ERBB4: variants seen among roughly 807,000 people sequenced by gnomAD.
ERBB4 encodes receptor tyrosine-protein kinase erbB-4.
A neutral mutation model predicts 158.0 loss-of-function variants in ERBB4; 42 were observed. The ratio of observed to expected loss-of-function variants is 0.27; its 90% CI spans 0.21 to 0.34. The LOEUF (loss-of-function observed/expected upper bound fraction) is 0.34, where lower values mean the gene tolerates loss of function less well. Ranked by LOEUF, ERBB4 falls within the 10% of genes least tolerant of loss-of-function variation. ERBB4 has a pLI of 1.00. For synonymous variants in ERBB4, 583 were observed against 558.7 expected (o/e 1.04, Z -0.61); for missense variants, 1,333 against 1,624.1 (o/e 0.82, Z 3.08).
intron 1 of ERBB4, among the ~76,000 whole-genome samples, chr2:212,214,206 C>A (rs1325641837): frequency 6.6e-6 from 1 of 151,810 alleles, no homozygotes; most frequent in Admixed American, 6.6e-5. Context: ...TGATTCAATA[C>A]ATCTTCCTGT....
chr2:211,386,932 C>G lies in ERBB4; in HGVS notation c.3402G>C (p.Val1134=), dbSNP rs1391938343. ...STQRYSADPT[V]FAPERSPRGE... is the part of the protein sequence containing the mutation. ...CTCGTGGGCTCCGTTCTGGGGCAAA[C>G]ACGGTGGGGTCAGCACTGTACCTCT... The change falls in exon 27 of 28, where the codon GTG becomes GTC. Residue 1134 remains valine, a synonymous_variant. Coordinates refer to ENST00000342788, the MANE Select transcript of ERBB4 (RefSeq NM_005235.3). The G allele has an allele frequency of 1.2e-6, 2 of 1,614,166 alleles. No homozygotes were observed. Among genetic ancestry groups the G allele is most frequent in the Non-Finnish European group, 1.7e-6 (2 of 1,180,032 alleles).
At chr2:212,183,391 T>C (rs2081930145) in intron 1 of ERBB4, among the ~76,000 whole-genome samples, 1 of 152,020 alleles carries the variant, frequency 6.6e-6, no homozygotes, top group South Asian at 2.1e-4. Flanking sequence ...TAAATTTAAC[T>C]AGCAGGTAAC....
At chr2:211,832,016 C>T (rs558676553) in intron 3 of ERBB4, among the ~76,000 whole-genome samples, 18 of 152,226 alleles carry the variant, frequency 1.2e-4, no homozygotes, top group African/African-American at 3.4e-4. Context: ...ACAAATGTGG[C>T]GTCAAGCCAA....
At chr2:211,442,893 T>C (rs1335861345) in intron 20 of ERBB4, among the ~76,000 whole-genome samples, 1 of 152,076 alleles carries the variant, frequency 6.6e-6, no homozygotes, top group East Asian at 1.9e-4. Context: ...TTTTTTATCT[T>C]CTATTCTTCA....
At chr2:211,678,783 G>A (rs923490705) in intron 13 of ERBB4, among the ~76,000 whole-genome samples, 14 of 151,818 alleles carry the variant, frequency 9.2e-5, no homozygotes, top group African/African-American at 2.9e-4. Context: ...TGGCTAACAC[G>A]GTGAAACCCC....
chr2:211,807,378 T>C (rs764902491), intron 3 of ERBB4, among the ~76,000 whole-genome samples: 1 of 152,098 alleles, frequency 6.6e-6, no homozygotes, highest in Non-Finnish European at 1.5e-5. Context: ...CCACCTATGA[T>C]TGAGAACACG....
At chr2:211,717,978 G>A (rs771864183) in intron 7 of ERBB4, among the ~76,000 whole-genome samples, 112 of 152,152 alleles carry the variant, frequency 7.4e-4, no homozygotes, top group Non-Finnish European at 1.2e-3. Flanking sequence ...GCATGATCCC[G>A]ACTCACTGCA....
At chr2:211,953,168 T>C (rs2080924006) in intron 2 of ERBB4, among the ~76,000 whole-genome samples, 1 of 151,942 alleles carries the variant, frequency 6.6e-6, no homozygotes, top group Non-Finnish European at 1.5e-5. Flanking sequence ...TTGCCACTAA[T>C]ACAAAACATT....
chr2:212,042,114 T>C (rs915917951), intron 2 of ERBB4, among the ~76,000 whole-genome samples: 2 of 152,100 alleles, frequency 1.3e-5, no homozygotes, highest in African/African-American at 2.4e-5. Flanking sequence ...ATAAGCTGTA[T>C]TCAAAGCATT....
chr2:211,990,254 A>G (rs1455868403), intron 2 of ERBB4, among the ~76,000 whole-genome samples: 1 of 84,490 alleles, frequency 1.2e-5, no homozygotes. Context: ...GTATTGCATT[A>G]TTATAATAAA....
At chr2:212,231,470 G>A (rs542814474) in intron 1 of ERBB4, among the ~76,000 whole-genome samples, 3 of 152,306 alleles carry the variant, frequency 2.0e-5, no homozygotes, top group East Asian at 3.9e-4. Context: ...ATGAAGGTGA[G>A]TGCCAGAAGC....
At chr2:211,515,912 A>ATATATATATATATATTTTT (rs35696520) in intron 20 of ERBB4, among the ~76,000 whole-genome samples, 4 of 78,984 alleles carry the variant, frequency 5.1e-5, no homozygotes, top group African/African-American at 1.7e-4. Context: ...ATATATATAT[A>ATATATATATATATATTTTT]TTTTTTTTTT....
intron 1 of ERBB4, among the ~76,000 whole-genome samples, chr2:212,482,214 A>T (rs765804129): frequency 1.3e-5 from 2 of 152,198 alleles, no homozygotes; most frequent in Non-Finnish European, 2.9e-5. Context: ...AAATTTAAAA[A>T]CCCAAATCAA....
At chr2:212,388,664 T>A (rs2090757878) in intron 1 of ERBB4, among the ~76,000 whole-genome samples, 1 of 152,060 alleles carries the variant, frequency 6.6e-6, no homozygotes, top group Non-Finnish European at 1.5e-5. Flanking sequence ...ATGCCATATT[T>A]CATGGGATAT....
chr2:211,717,204 G>A (rs774062746), intron 7 of ERBB4, among the ~76,000 whole-genome samples: 51 of 152,260 alleles, frequency 3.3e-4, no homozygotes, highest in Admixed American at 9.2e-4. Context: ...AGTATAATGC[G>A]CTTCTAAGAA....
At chr2:212,503,682 G>A (rs1485672921) in intron 1 of ERBB4, among the ~76,000 whole-genome samples, 1 of 152,164 alleles carries the variant, frequency 6.6e-6, no homozygotes, top group Non-Finnish European at 1.5e-5. Context: ...ATGCTGACAA[G>A]TACAAAAGAT....
At chr2:211,520,671 C>T (rs2066162743) in intron 20 of ERBB4, among the ~76,000 whole-genome samples, 1 of 152,064 alleles carries the variant, frequency 6.6e-6, no homozygotes, top group Admixed American at 6.5e-5. Flanking sequence ...CTTCTTTCTA[C>T]CGTGCTTTAG....
chr2:211,506,228 T>C (rs1181174597), intron 20 of ERBB4, among the ~76,000 whole-genome samples: 2 of 152,106 alleles, frequency 1.3e-5, no homozygotes, highest in African/African-American at 4.8e-5. Context: ...ATCCCAAATA[T>C]AGCACCCAAC....
chr2:212,409,441 C>A (rs990831985), intron 1 of ERBB4, among the ~76,000 whole-genome samples: 4 of 152,038 alleles, frequency 2.6e-5, no homozygotes, highest in African/African-American at 9.7e-5. Flanking sequence ...TCTACCCAAT[C>A]TTTAAATTCT....
Sources: gnomAD v4.1 joint callset for allele counts (sites outside exome capture counted in the v4.1 genomes callset) on GRCh38, gnomAD v4.1.1 for gene constraint, MANE v1.5 for transcripts, NCBI Gene and HGNC (gene_info 2026-07-23, HGNC 2026-07-21) for gene names.